The following GSG1L variants were observed in gnomAD, a reference collection of about 807,000 sequenced individuals.
GSG1L encodes the protein germ cell-specific gene 1-like protein.
Under a neutral mutation model 42.1 loss-of-function variants are expected in GSG1L, and 24 were observed. The observed-to-expected ratio is 0.57, with a 90% CI of 0.41 to 0.80. The LOEUF (loss-of-function observed/expected upper bound fraction) is 0.80. Among genes scored for constraint, GSG1L ranks in the 30% least tolerant of loss-of-function variants. The pLI is 0.00. For missense variants in GSG1L, 445 were observed against 472.2 expected (o/e 0.94, Z 0.53); for synonymous variants, 215 against 203.5 (o/e 1.06, Z -0.48).
At chr16:27,907,424 T>A (rs1295092445) in intron 2 of GSG1L, among the ~76,000 whole-genome samples, 4 of 152,250 alleles carry the variant, frequency 2.6e-5, no homozygotes, top group Admixed American at 2.6e-4. Flanking sequence ...AATAGGCTTT[T>A]GCCTTCCTTG....
At chr16:27,975,587 CTG>C (rs1567541309) in intron 1 of GSG1L, among the ~76,000 whole-genome samples, 1 of 152,214 alleles carries the variant, frequency 6.6e-6, no homozygotes, top group East Asian at 1.9e-4. Context: ...CCTGTGTGCA[CTG>C]TGGGCTTAAC....
intron 1 of GSG1L, among the ~76,000 whole-genome samples, chr16:27,967,769 T>C (rs1302029290): frequency 6.6e-6 from 1 of 152,088 alleles, no homozygotes; most frequent in Non-Finnish European, 1.5e-5. Context: ...AAAAATTCGC[T>C]GGGTGTGTTG....
intron 2 of GSG1L, among the ~76,000 whole-genome samples, chr16:27,888,455 T>TC (rs2084063912): frequency 1.1e-4 from 2 of 17,996 alleles, no homozygotes; most frequent in Non-Finnish European, 4.0e-4. Flanking sequence ...TTTCTTTCTT[T>TC]CTTTCTTTCT....
At chr16:27,945,249 C>T (rs1308887003) in intron 2 of GSG1L, among the ~76,000 whole-genome samples, 1 of 152,070 alleles carries the variant, frequency 6.6e-6, no homozygotes, top group Admixed American at 6.6e-5. Context: ...CTGAATTATA[C>T]ACTTTAAACA....
Position 27,828,802 on chromosome 16 carries a change from A to G in GSG1L, c.817T>C (p.Tyr273His), listed in dbSNP as rs2083243151. The change falls in exon 5 of 7, where the codon TAC (tyrosine) becomes CAC (histidine). Residue 273 changes from tyrosine (Y) to histidine (H), a missense_variant. Coordinates refer to ENST00000447459, the MANE Select transcript of GSG1L (RefSeq NM_001109763.2). ...PTFIDPEAIK[Y>H]FRERMEKRDG... ...CTGTGCACTGACCTCTCCCGGAAGT[A>G]CTTGATGGCCTCAGGGTCTATGAAG... 6.2e-7 allele frequency: 1 copy of G among 1,614,056 alleles called. No homozygotes were observed. The highest frequency in any genetic ancestry group is 1.3e-5 in the African/African-American group (1 of 75,066).
At chr16:27,957,571 C>T (rs2085020869) in intron 2 of GSG1L, among the ~76,000 whole-genome samples, 1 of 152,160 alleles carries the variant, frequency 6.6e-6, no homozygotes, top group Admixed American at 6.6e-5. Context: ...TTATGCTACC[C>T]ATCGAAGGTC....
chr16:27,913,259 A>C (rs1310256154), intron 2 of GSG1L, among the ~76,000 whole-genome samples: 1 of 152,238 alleles, frequency 6.6e-6, no homozygotes, highest in African/African-American at 2.4e-5. Context: ...CAGTGTATTT[A>C]ATGATACTAA....
chr16:27,810,657 G>A (rs751506468), intron 5 of GSG1L, among the ~76,000 whole-genome samples: 2 of 151,892 alleles, frequency 1.3e-5, no homozygotes, highest in Non-Finnish European at 2.9e-5. Flanking sequence ...GCAAATTTCA[G>A]TTCAACAAAA....
chr16:27,930,821 C>G (rs13338359), intron 2 of GSG1L, among the ~76,000 whole-genome samples: 1 of 152,136 alleles, frequency 6.6e-6, no homozygotes, highest in African/African-American at 2.4e-5. Context: ...AACTCCTGGG[C>G]TCAAGCAATC....
At chr16:28,014,335 G>T (rs879660763) in intron 1 of GSG1L, among the ~76,000 whole-genome samples, 11 of 152,208 alleles carry the variant, frequency 7.2e-5, no homozygotes, top group Non-Finnish European at 1.5e-4. Flanking sequence ...GCAGACACGG[G>T]AACATGCCTC....
chr16:27,791,590 T>C (rs966913902), intron 6 of GSG1L, 123 bp from the exon 7 acceptor site: 6 of 548,816 alleles, frequency 1.1e-5, no homozygotes, highest in Admixed American at 8.6e-5. Context: ...CTGCCCATCA[T>C]GCCTTTTGTC....
intron 1 of GSG1L, among the ~76,000 whole-genome samples, chr16:27,994,981 A>G (rs1225296747): frequency 1.3e-5 from 2 of 152,164 alleles, no homozygotes; most frequent in Non-Finnish European, 2.9e-5. Context: ...AAGAGAGAGA[A>G]TCTTCTGGCT....
In GSG1L at chr16:27,819,983, G is replaced by T. The variant is rs150112852; in HGVS notation, c.830+8806C>A. Among the ~76,000 whole-genome samples, 10 of 152,318 alleles carry T rather than the reference G, an allele frequency of 6.6e-5. No individual in the cohort carries two copies. In the East Asian group the frequency reaches 1.9e-3, roughly 29 times the overall value. ...CAGAGAAAAAGGAAGGAGACATAAA[G>T]AGAAGGCCCTGGGCTTGTGGTGAGC... is the stretch of plus-strand genomic sequence containing the variant. On this transcript the variant is annotated intron_variant, in intron 5 of 6. Transcript: ENST00000447459.
chr16:27,900,021 T>C (rs2084238245), intron 2 of GSG1L, among the ~76,000 whole-genome samples: 1 of 152,206 alleles, frequency 6.6e-6, no homozygotes, highest in African/African-American at 2.4e-5. Context: ...CAGGGTCCCC[T>C]GTGGCCTGAT....
intron 3 of GSG1L, among the ~76,000 whole-genome samples, chr16:27,882,078 C>T (rs2083964610): frequency 6.6e-6 from 1 of 152,160 alleles, no homozygotes; most frequent in African/African-American, 2.4e-5. Flanking sequence ...TCCCACGTGT[C>T]ATGGGAGGGA....
Position 28,063,203 on chromosome 16 carries a change from GGC to G in GSG1L, c.220_221del (p.Ala74HisfsTer44). 8.4e-7 allele frequency: 1 copy of G among 1,189,672 alleles called. No individual in the cohort carries two copies. Among genetic ancestry groups the G allele is most frequent in the Non-Finnish European group, 1.0e-6 (1 of 956,346 alleles). The allele number at this position is 1,189,672 out of a possible 1,614,324, so 73.7% of individuals were successfully genotyped here. A position where few individuals can be genotyped will look rare whatever the true frequency, so the allele number is the denominator to read the frequency against. On this transcript the variant is annotated frameshift_variant, in exon 1 of 7. Transcript: ENST00000447459. LOFTEE classifies it high-confidence loss of function. The surrounding 1 kb of genome is among the most constrained non-coding windows in gnomAD (Gnocchi z 5.8). ...TAAPAAAAAA[A>X]TASGNGPPGG... ...CAGGGGGGCCGTTCCCCGAGGCGGT[GGC>G]GGCGGCGGCGGCGGCGGCGGGGGCG...
intron 3 of GSG1L, among the ~76,000 whole-genome samples, chr16:27,877,265 C>T (rs565373246): frequency 4.6e-5 from 7 of 152,156 alleles, no homozygotes; most frequent in South Asian, 2.1e-4. Flanking sequence ...TGGGAGAGCA[C>T]GAGAAAGGCC....
intron 3 of GSG1L, among the ~76,000 whole-genome samples, chr16:27,855,906 G>A (rs955641883): frequency 6.6e-6 from 1 of 152,008 alleles, no homozygotes; most frequent in African/African-American, 2.4e-5. Context: ...CTGGGGGTCA[G>A]GGAAGGCTTC....
At chr16:28,027,602 A>G (rs1198369000) in intron 1 of GSG1L, among the ~76,000 whole-genome samples, 1 of 152,232 alleles carries the variant, frequency 6.6e-6, no homozygotes, top group East Asian at 1.9e-4. Flanking sequence ...AAGGAATCAA[A>G]GAGCATTTGG....
Sources: allele counts gnomAD v4.1 joint callset (sites outside exome capture counted in the v4.1 genomes callset), GRCh38; gene constraint gnomAD v4.1.1; non-coding constraint Gnocchi (gnomAD v3.1); transcripts MANE v1.5; gene names NCBI Gene and HGNC (gene_info 2026-07-23, HGNC 2026-07-21).